Variants in CLIC5 observed in about 807,000 individuals in gnomAD.
CLIC5 encodes CLIC family member 5.
A neutral mutation model predicts 24.7 loss-of-function variants in CLIC5; 20 were observed. The observed-to-expected ratio is 0.81, with a 90% CI of 0.57 to 1.18. The LOEUF (loss-of-function observed/expected upper bound fraction) is 1.18. CLIC5 is among the 50% of genes most tolerant of loss of function. The pLI, the probability that CLIC5 is intolerant of heterozygous loss-of-function variation, is 0.00. For missense variants in CLIC5, 341 were observed against 326.1 expected (o/e 1.05, Z -0.35); for synonymous variants, 159 against 135.6 (o/e 1.17, Z -1.20).
chr6:46,028,042 T>C (rs1215658653), intron 1 of CLIC5, among the ~76,000 whole-genome samples: 4 of 152,162 alleles, frequency 2.6e-5, no homozygotes, highest in Admixed American at 6.5e-5. Flanking sequence ...TTATCCCCCA[T>C]TAACACAGCG....
chr6:46,002,992 G>A (rs3777619), intron 1 of CLIC5, among the ~76,000 whole-genome samples: 51,082 of 152,058 alleles, frequency 0.34, 8,755 homozygotes, highest in Middle Eastern at 0.45. Context: ...AATGAGGCAG[G>A]AGAGAGCACA....
At chr6:46,074,557 C>A (rs1762715205) in intron 1 of CLIC5, among the ~76,000 whole-genome samples, 1 of 152,186 alleles carries the variant, frequency 6.6e-6, no homozygotes, top group Non-Finnish European at 1.5e-5. Context: ...TTGTTCAGTG[C>A]ACAACCTGTG....
the CLIC5 span, among the ~76,000 whole-genome samples, chr6:46,126,376 C>T: frequency 2.0e-5 from 3 of 152,154 alleles, no homozygotes; most frequent in Non-Finnish European, 4.4e-5. Context: ...TTGCTCTCCA[C>T]ATAGGAAAGC....
intron 1 of CLIC5, among the ~76,000 whole-genome samples, chr6:45,978,346 C>T (rs1355943846): frequency 2.6e-5 from 4 of 152,040 alleles, no homozygotes; most frequent in Non-Finnish European, 4.4e-5. Context: ...CTGGGGATGG[C>T]TAACAATGAG....
the CLIC5 span, among the ~76,000 whole-genome samples, chr6:46,090,947 A>G: frequency 6.6e-6 from 1 of 152,214 alleles, no homozygotes; most frequent in Non-Finnish European, 1.5e-5. Flanking sequence ...CAAATAAGGC[A>G]AACAACAAGC....
At chr6:46,087,818 A>C in the CLIC5 span, among the ~76,000 whole-genome samples, 2 of 152,330 alleles carry the variant, frequency 1.3e-5, no homozygotes, top group African/African-American at 4.8e-5. Context: ...AGGGTGTTGC[A>C]GATAAAGACA....
chr6:46,122,879 A>G, the CLIC5 span: 1 of 152,250 alleles, frequency 6.6e-6, no homozygotes, highest in African/African-American at 2.4e-5. Context: ...AGACTAAACC[A>G]GGAAGAAGTT....
chr6:46,012,953 A>C (rs1403103198), intron 1 of CLIC5, among the ~76,000 whole-genome samples: 1 of 152,234 alleles, frequency 6.6e-6, no homozygotes, highest in East Asian at 1.9e-4. Flanking sequence ...TTATGTCCTA[A>C]TATGCTGCAA....
At chr6:46,104,626 C>A in the CLIC5 span, among the ~76,000 whole-genome samples, 1 of 150,262 alleles carries the variant, frequency 6.7e-6, no homozygotes, top group Non-Finnish European at 1.5e-5. Flanking sequence ...TTATAATACA[C>A]CCTGAGCTTT....
rs187804631 is a variant in CLIC5, at chr6:45,911,541, G to C, written c.588+2687C>G. ...AGAACTGGCTGGAATTTATCAGAGT[G>C]GATGAAAAGGGTCTCCAATAAGATA... is the stretch of plus-strand genomic sequence containing the variant. On this transcript the variant is annotated intron_variant, in intron 5 of 5. Coordinates refer to ENST00000339561, the MANE Select transcript of CLIC5 (RefSeq NM_016929.5). 947 of 899,086 alleles carry C rather than the reference G, an allele frequency of 1.1e-3. 2 individuals are homozygous for C. The highest frequency in any genetic ancestry group is 1.2e-3 in the Non-Finnish European group (904 of 751,268). 55.7% of individuals were successfully genotyped at this position (899,086 alleles called of 1,614,324 possible). A position where few individuals can be genotyped will look rare whatever the true frequency, so the allele number is the denominator to read the frequency against.
chr6:45,952,932 C>T (rs1358758572), intron 2 of CLIC5, among the ~76,000 whole-genome samples: 1 of 152,158 alleles, frequency 6.6e-6, no homozygotes. Context: ...ATAGTGGATG[C>T]AAGTTCATTT....
At chr6:45,953,963 A>G (rs1437956765) in intron 2 of CLIC5, among the ~76,000 whole-genome samples, 1 of 152,114 alleles carries the variant, frequency 6.6e-6, no homozygotes, top group Non-Finnish European at 1.5e-5. Context: ...AGGAGCAGGA[A>G]GTGTTTAGTG....
intron 1 of CLIC5, among the ~76,000 whole-genome samples, chr6:46,030,980 G>T (rs1185057977): frequency 6.6e-6 from 1 of 152,144 alleles, no homozygotes; most frequent in East Asian, 1.9e-4. Flanking sequence ...AAACCATCAT[G>T]TTTTAAAAAG....
At chr6:45,928,795 T>TGTGTGTGG (rs200432038) in intron 4 of CLIC5, among the ~76,000 whole-genome samples, 5,701 of 148,442 alleles carry the variant, frequency 0.038, 144 homozygotes, top group South Asian at 0.077. Flanking sequence ...TGTGTGTGTG[T>TGTGTGTGG]AGAGAGAGAG....
chr6:45,994,672 A>C (rs1766064597), intron 1 of CLIC5, among the ~76,000 whole-genome samples: 1 of 152,204 alleles, frequency 6.6e-6, no homozygotes, highest in Non-Finnish European at 1.5e-5. Flanking sequence ...ATGTCTCATG[A>C]GTGGTGAAAG....
intron 3 of CLIC5, among the ~76,000 whole-genome samples, chr6:45,942,212 C>T (rs1764155266): frequency 6.6e-6 from 1 of 152,180 alleles, no homozygotes; most frequent in South Asian, 2.1e-4. Context: ...GCAGTAATAA[C>T]ATGCAGAAAC....
the CLIC5 span, among the ~76,000 whole-genome samples, chr6:46,115,992 G>T: frequency 6.6e-6 from 1 of 152,320 alleles, no homozygotes; most frequent in South Asian, 2.1e-4. Context: ...AAAAACTCAT[G>T]CTATTTTTTA....
chr6:46,126,846 C>T, the CLIC5 span, among the ~76,000 whole-genome samples: 1 of 152,168 alleles, frequency 6.6e-6, no homozygotes, highest in African/African-American at 2.4e-5. Context: ...TAACTTCTAA[C>T]TTCTGACCTT....
chr6:45,889,894 A>G (rs1435003537), intron 6 of CLIC5, among the ~76,000 whole-genome samples: 1 of 152,220 alleles, frequency 6.6e-6, no homozygotes, highest in Admixed American at 6.5e-5. Context: ...TTAAATATCT[A>G]TTAAAAGTAG....
Sources: allele counts gnomAD v4.1 joint callset (sites outside exome capture counted in the v4.1 genomes callset), GRCh38; gene constraint gnomAD v4.1.1; transcripts MANE v1.5; gene names NCBI Gene and HGNC (gene_info 2026-07-23, HGNC 2026-07-21).